ATXN7: variants seen among roughly 807,000 people sequenced by gnomAD.
ATXN7 encodes ataxin-7.
In ATXN7, 12 loss-of-function variants were observed where a neutral mutation model predicts 70.5. That is an observed-to-expected ratio of 0.17 (90% confidence interval 0.11 to 0.28). The LOEUF is 0.28. Ranked by LOEUF, ATXN7 falls within the 10% of genes least tolerant of loss-of-function variation. The pLI is 1.00. For missense variants in ATXN7, 1,256 were observed against 1,131.7 expected (o/e 1.11, Z -1.58); for synonymous variants, 498 against 448.7 (o/e 1.11, Z -1.39).
intron 5 of ATXN7, among the ~76,000 whole-genome samples, 196 bp from the exon 6 acceptor site, chr3:63,979,719 A>G (rs2075453975): frequency 6.6e-6 from 1 of 152,152 alleles, no homozygotes; most frequent in Admixed American, 6.5e-5. Flanking sequence ...TCAGAAAGAG[A>G]AGGACCCGTT....
In ATXN7 at chr3:64,002,977, T is replaced by C. The variant is rs1320675145; in HGVS notation, c.*3510T>C. Reference sequence around the variant, plus strand: ...TGTATAATTTGAAAAATGTAACTTATAAGGGCAGCTGTCTTCCTGCAAGAG... The same window carrying C: ...TGTATAATTTGAAAAATGTAACTTACAAGGGCAGCTGTCTTCCTGCAAGAG... On this transcript the variant is annotated 3_prime_UTR_variant, in exon 13 of 13. Coordinates refer to ENST00000674280, the MANE Select transcript of ATXN7 (RefSeq NM_001377405.1). The C allele has an allele frequency of 2.0e-5, 3 of 152,282 alleles. No individual in the cohort carries two copies. The highest frequency in any genetic ancestry group is 4.8e-5 in the African/African-American group (2 of 41,550). 9.4% of individuals were successfully genotyped at this position (152,282 alleles called of 1,614,324 possible).
intron 5 of ATXN7, among the ~76,000 whole-genome samples, chr3:63,960,827 T>C (rs562996705): frequency 2.0e-5 from 3 of 152,120 alleles, no homozygotes; most frequent in Non-Finnish European, 4.4e-5. Context: ...AAAATAATTA[T>C]TGCAGTGATG....
intron 1 of ATXN7, among the ~76,000 whole-genome samples, chr3:63,892,466 T>TTC (rs1452980352): frequency 3.5e-5 from 4 of 114,294 alleles, no homozygotes; most frequent in African/African-American, 1.6e-4. Flanking sequence ...TTATCGCTCC[T>TTC]TCACACACAC....
chr3:63,909,530 G>C (rs2107287414), intron 2 of ATXN7, among the ~76,000 whole-genome samples: 1 of 152,320 alleles, frequency 6.6e-6, no homozygotes, highest in Middle Eastern at 3.4e-3. Context: ...AGGTAATACA[G>C]CTAAGTATTG....
At chr3:63,893,873 C>A (rs922291235) in intron 1 of ATXN7, among the ~76,000 whole-genome samples, 4 of 152,144 alleles carry the variant, frequency 2.6e-5, no homozygotes, top group African/African-American at 9.7e-5. Flanking sequence ...CTTAAATTTG[C>A]TTTGCCAAGG....
intron 5 of ATXN7, among the ~76,000 whole-genome samples, chr3:63,952,863 TTTTA>T (rs931473099): frequency 7.1e-6 from 1 of 140,088 alleles, no homozygotes; most frequent in Non-Finnish European, 1.5e-5. Flanking sequence ...TTTTTTTTTT[TTTTA>T]AGGAAATGTG....
At chr3:63,982,773 GCTTTGTT>G (rs1441771720) in intron 7 of ATXN7, 159 bp from the exon 8 acceptor site, 1 of 631,520 alleles carries the variant, frequency 1.6e-6, no homozygotes, top group Non-Finnish European at 2.8e-6. Flanking sequence ...TGATGTTGCT[GCTTTGTT>G]GCAGCACTCA....
chr3:63,893,488 G>T (rs1703348270), intron 1 of ATXN7, among the ~76,000 whole-genome samples: 1 of 152,194 alleles, frequency 6.6e-6, no homozygotes, highest in African/African-American at 2.4e-5. Context: ...GTGAAGGATG[G>T]CTATATTGAA....
intron 4 of ATXN7, among the ~76,000 whole-genome samples, chr3:63,924,533 C>T (rs1704639717): frequency 6.6e-6 from 1 of 152,072 alleles, no homozygotes. Flanking sequence ...GAGGACTCTT[C>T]AGTGAGGCAG....
intron 4 of ATXN7, among the ~76,000 whole-genome samples, chr3:63,923,904 G>A (rs555163127): frequency 6.6e-6 from 1 of 152,294 alleles, no homozygotes; most frequent in East Asian, 1.9e-4. Context: ...GACTGTAGAG[G>A]CCAAGGAAAG....
At chr3:63,881,679 A>G (rs704373) in intron 1 of ATXN7, among the ~76,000 whole-genome samples, 88,261 of 151,912 alleles carry the variant, frequency 0.58, 27,007 homozygotes, top group South Asian at 0.7. Context: ...TAGTAGAGAC[A>G]GGGTTTCACC....
intron 5 of ATXN7, among the ~76,000 whole-genome samples, chr3:63,959,940 A>G (rs111686435): frequency 0.013 from 1,999 of 152,306 alleles, 39 homozygotes; most frequent in African/African-American, 0.043. Context: ...AACAGTGTCT[A>G]TGATTTCATG....
At chr3:63,977,942 A>G (rs1176136270) in intron 5 of ATXN7, among the ~76,000 whole-genome samples, 1 of 152,244 alleles carries the variant, frequency 6.6e-6, no homozygotes, top group African/African-American at 2.4e-5. Context: ...GCAGTTGATG[A>G]AAATTTGGAA....
intron 11 of ATXN7, among the ~76,000 whole-genome samples, chr3:63,991,174 A>C (rs917480948): frequency 3.9e-5 from 6 of 152,224 alleles, no homozygotes; most frequent in Non-Finnish European, 8.8e-5. Flanking sequence ...CCTAAGTGAC[A>C]GAATGGAAAC....
chr3:63,952,552 C>T lies in ATXN7; in HGVS notation c.499+69C>T, dbSNP rs2074971978. On this transcript the variant is annotated intron_variant, in intron 5 of 12. Transcript: ENST00000674280. ...GGTAAAGCAAGATTAAACTAAGGAA[C>T]AGTGATGGCATGCATGGGACATAAT... The T allele has an allele frequency of 6.4e-6, 7 of 1,102,358 alleles. No homozygotes were observed. In the East Asian group the frequency reaches 1.8e-4, roughly 29 times the overall value. The allele number at this position is 1,102,358 out of a possible 1,614,324, so 68.3% of individuals were successfully genotyped here.
chr3:63,984,120 T>C (rs1311911013), intron 8 of ATXN7, among the ~76,000 whole-genome samples: 2 of 152,056 alleles, frequency 1.3e-5, no homozygotes, highest in Non-Finnish European at 1.5e-5. Context: ...TCTAATTTAA[T>C]TTTAGTATAT....
At chr3:63,941,581 T>G (rs1327905053) in intron 4 of ATXN7, among the ~76,000 whole-genome samples, 1 of 152,192 alleles carries the variant, frequency 6.6e-6, no homozygotes, top group Non-Finnish European at 1.5e-5. Flanking sequence ...GGTTGGGGAC[T>G]GCTGCTGTGG....
chr3:63,940,556 A>G (rs1222727820), intron 4 of ATXN7, among the ~76,000 whole-genome samples: 1 of 152,190 alleles, frequency 6.6e-6, no homozygotes, highest in Non-Finnish European at 1.5e-5. Context: ...TAACCACAAT[A>G]ATAATAATAG....
At chr3:63,968,282 G>C (rs1459275007) in intron 5 of ATXN7, 2 of 308,208 alleles carry the variant, frequency 6.5e-6, no homozygotes, top group Admixed American at 9.7e-5. Context: ...TCATTTGAGT[G>C]ATCTGGCCAA....
Sources: gnomAD v4.1 joint callset for allele counts (sites outside exome capture counted in the v4.1 genomes callset) on GRCh38, gnomAD v4.1.1 for gene constraint, MANE v1.5 for transcripts, NCBI Gene and HGNC (gene_info 2026-07-23, HGNC 2026-07-21) for gene names.